Variants in ST8SIA4 observed in about 807,000 individuals in gnomAD.
ST8SIA4 encodes CMP-N-acetylneuraminate-poly-alpha-2,8-sialyltransferase.
Under a neutral mutation model 33.9 loss-of-function variants are expected in ST8SIA4, and 15 were observed. That is an observed-to-expected ratio of 0.44 (90% CI 0.30 to 0.68). ST8SIA4 has a LOEUF of 0.68. ST8SIA4 is among the 30% of genes least tolerant of loss of function. ST8SIA4 has a pLI of 0.10. For synonymous variants in ST8SIA4, 171 were observed against 151.2 expected (o/e 1.13, Z -0.96); for missense variants, 321 against 428.0 (o/e 0.75, Z 2.21).
At chr5:100,826,961 T>TACACACAC (rs528367578) in intron 4 of ST8SIA4, among the ~76,000 whole-genome samples, 9 of 147,470 alleles carry the variant, frequency 6.1e-5, no homozygotes, top group African/African-American at 2.0e-4. Flanking sequence ...TGTGTGTATA[T>TACACACAC]ACACACACAC....
intron 3 of ST8SIA4, among the ~76,000 whole-genome samples, chr5:100,859,840 C>G (rs7737721): frequency 0.42 from 63,882 of 151,940 alleles, 14,167 homozygotes; most frequent in African/African-American, 0.56. Flanking sequence ...TTAAATGATA[C>G]TTCAACAATG....
rs938988185 is a variant in ST8SIA4 at position 100,810,067 on chromosome 5, T to G, written c.*1780A>C. On this transcript the variant is annotated 3_prime_UTR_variant, in exon 5 of 5. Transcript: ENST00000231461. The stretch of plus-strand genomic sequence containing the variant: ...CATGCCATTTCTTCTTTCCTCAAAT[T>G]GCCTGCCCAAGAAATAAGAAATCAA... The G allele has an allele frequency of 6.6e-6, 1 of 152,174 alleles. No homozygotes were observed. The highest frequency in any genetic ancestry group is 2.4e-5 in the African/African-American group (1 of 41,430). 9.4% of individuals were successfully genotyped at this position (152,174 alleles called of 1,614,324 possible).
At chr5:100,900,809 G>T (rs886841270) in intron 1 of ST8SIA4, among the ~76,000 whole-genome samples, 4 of 152,096 alleles carry the variant, frequency 2.6e-5, no homozygotes, top group African/African-American at 9.7e-5. Context: ...GACCAAAAGA[G>T]CCTGAGTCCT....
At chr5:100,822,549 T>G (rs1375402590) in intron 4 of ST8SIA4, among the ~76,000 whole-genome samples, 1 of 152,204 alleles carries the variant, frequency 6.6e-6, no homozygotes, top group East Asian at 1.9e-4. Flanking sequence ...CTAAAAGAAT[T>G]GAATGATAAC....
chr5:100,840,353 T>G (rs1039475356), intron 4 of ST8SIA4, among the ~76,000 whole-genome samples: 1 of 151,894 alleles, frequency 6.6e-6, no homozygotes, highest in Admixed American at 6.6e-5. Flanking sequence ...TGTGTGTATA[T>G]ACATACATAT....
chr5:100,867,312 C>T (rs928616857), intron 3 of ST8SIA4, among the ~76,000 whole-genome samples: 1 of 151,986 alleles, frequency 6.6e-6, no homozygotes, highest in Non-Finnish European at 1.5e-5. Flanking sequence ...ATGTATGTAT[C>T]CTGACACATT....
chr5:100,818,200 T>G (rs1383205026), intron 4 of ST8SIA4, among the ~76,000 whole-genome samples: 2 of 152,202 alleles, frequency 1.3e-5, no homozygotes, highest in African/African-American at 4.8e-5. Context: ...AAAAATTGTA[T>G]TCTTTAGCTA....
chr5:100,816,448 T>G (rs1394927099), intron 4 of ST8SIA4: 3 of 517,022 alleles, frequency 5.8e-6, no homozygotes, highest in Non-Finnish European at 7.8e-6. Context: ...TGGTTTGTGT[T>G]TATATTTAAA....
intron 2 of ST8SIA4, among the ~76,000 whole-genome samples, chr5:100,889,846 A>G (rs12513708): frequency 2.6e-5 from 4 of 151,886 alleles, no homozygotes; most frequent in African/African-American, 9.7e-5. Context: ...GTATTTTTTC[A>G]ACTGAAGCAG....
At chr5:100,882,211 G>A (rs1279148244) in intron 3 of ST8SIA4, among the ~76,000 whole-genome samples, 1 of 152,202 alleles carries the variant, frequency 6.6e-6, no homozygotes, top group African/African-American at 2.4e-5. Flanking sequence ...TCAGGCTGAG[G>A]TGGTCTCAGA....
chr5:100,836,662 C>A (rs1021732870), intron 4 of ST8SIA4, among the ~76,000 whole-genome samples: 1 of 152,014 alleles, frequency 6.6e-6, no homozygotes, highest in East Asian at 1.9e-4. Context: ...TTAAAGATAT[C>A]ATTTCATAAC....
chr5:100,831,027 G>T (rs1466651687), intron 4 of ST8SIA4, among the ~76,000 whole-genome samples: 1 of 152,080 alleles, frequency 6.6e-6, no homozygotes, highest in African/African-American at 2.4e-5. Context: ...CATACATATA[G>T]GACTTATAAT....
chr5:100,868,343 G>A (rs889064443), intron 3 of ST8SIA4, among the ~76,000 whole-genome samples: 1 of 151,968 alleles, frequency 6.6e-6, no homozygotes, highest in East Asian at 1.9e-4. Flanking sequence ...TTCCATATTT[G>A]TGTGCATGTG....
rs536436874 is a variant in ST8SIA4, at chr5:100,836,067, T to C, written c.797+20036A>G. On this transcript the variant is annotated intron_variant, in intron 4 of 4. Transcript: ENST00000231461. The stretch of plus-strand genomic sequence containing the variant: ...GAAGAGTTGTCTGGAAAGAGAGAAA[T>C]ACCTTGAGAGAGAAATGAGCTTTGC... Among the ~76,000 whole-genome samples, 20 of 152,178 alleles carry C rather than the reference T, an allele frequency of 1.3e-4. No individual in the cohort carries two copies. The South Asian group carries it at 3.3e-3, about 25-fold the overall frequency.
rs2112492342 is a variant in ST8SIA4 at position 100,903,183 on chromosome 5, T to A, written c.-228A>T. 3.6e-6 allele frequency: 2 copies of A among 551,560 alleles called. No individual in the cohort carries two copies. The highest frequency in any genetic ancestry group is 3.8e-5 in the African/African-American group (2 of 52,638). 34.2% of individuals were successfully genotyped at this position (551,560 alleles called of 1,614,324 possible). On this transcript the variant is annotated 5_prime_UTR_variant, in exon 1 of 5. Transcript: ENST00000231461. ...CCTGTTTGCGCCAGCTCTGCCAGGG[T>A]CGCTCCGCGCCGCCTCCCTGGGGCT... is the stretch of plus-strand genomic sequence containing the variant.
intron 1 of ST8SIA4, among the ~76,000 whole-genome samples, chr5:100,901,234 C>T (rs1348351982): frequency 6.6e-6 from 1 of 152,194 alleles, no homozygotes; most frequent in Non-Finnish European, 1.5e-5. Context: ...TCTGGCGACC[C>T]TCTTCTCACT....
At chr5:100,859,157 A>C (rs972068115) in intron 3 of ST8SIA4, among the ~76,000 whole-genome samples, 7 of 152,120 alleles carry the variant, frequency 4.6e-5, no homozygotes, top group Non-Finnish European at 1.0e-4. Flanking sequence ...TGTTGTGAGC[A>C]TCCAAACATT....
At chr5:100,847,118 A>C (rs1751587752) in intron 4 of ST8SIA4, among the ~76,000 whole-genome samples, 1 of 152,086 alleles carries the variant, frequency 6.6e-6, no homozygotes, top group African/African-American at 2.4e-5. Context: ...ACTAGGACAC[A>C]TGTTTTATAA....
chr5:100,898,141 G>A (rs1455771983), intron 1 of ST8SIA4, among the ~76,000 whole-genome samples: 2 of 152,016 alleles, frequency 1.3e-5, no homozygotes, highest in African/African-American at 2.4e-5. Context: ...ACTTTCATAG[G>A]AGAAATAAAA....
Sources: gnomAD v4.1 joint callset for allele counts (sites outside exome capture counted in the v4.1 genomes callset) on GRCh38, gnomAD v4.1.1 for gene constraint, MANE v1.5 for transcripts, NCBI Gene and HGNC (gene_info 2026-07-23, HGNC 2026-07-21) for gene names.